MX2: variants seen among roughly 807,000 people sequenced by gnomAD.
MX2 encodes the protein interferon-induced GTP-binding protein Mx2.
A neutral mutation model predicts 74.0 loss-of-function variants in MX2; 51 were observed. That is an observed-to-expected ratio of 0.69 (90% confidence interval 0.55 to 0.87). The LOEUF (loss-of-function observed/expected upper bound fraction) is 0.87. Among genes scored for constraint, MX2 ranks in the 40% least tolerant of loss-of-function variants. The pLI, the probability that MX2 is intolerant of heterozygous loss-of-function variation, is 0.00. For synonymous variants in MX2, 369 were observed against 339.3 expected (o/e 1.09, Z -0.96); for missense variants, 832 against 908.7 (o/e 0.92, Z 1.09).
intron 12 of MX2, among the ~76,000 whole-genome samples, chr21:41,406,031 G>A (rs576429199): frequency 2.2e-4 from 32 of 148,650 alleles, no homozygotes; most frequent in African/African-American, 6.7e-4. Flanking sequence ...CGCTCTTGTC[G>A]TCCAGACTGG....
rs960013107 is a variant in MX2 at position 41,399,392 on chromosome 21, G to A, written c.1414+55G>A. On this transcript the variant is annotated intron_variant, in intron 10 of 13. Transcript: ENST00000330714. The stretch of plus-strand genomic sequence containing the variant: ...CAGGGTGGTATTTACCCAGACCAGA[G>A]GCTATGTCCAGCACATGATAAGTGT... 15 of 1,564,298 alleles carry A rather than the reference G, an allele frequency of 9.6e-6. No homozygotes were observed. The Admixed American group carries it at 1.2e-4, about 13-fold the overall frequency.
Position 41,407,475 on chromosome 21 carries a change from T to G in MX2, c.1905+477T>G, listed in dbSNP as rs2089901898. Among the ~76,000 whole-genome samples the G allele has an allele frequency of 2.6e-5, 4 of 152,210 alleles. No individual in the cohort carries two copies. The South Asian group carries it at 8.3e-4, about 32-fold the overall frequency. The stretch of plus-strand genomic sequence containing the variant: ...CAGTGAACTTTTTGGCCTCTGACTG[T>G]CTATCCAATATGCAAGTATCACTGT... On this transcript the variant is annotated intron_variant, in intron 13 of 13. Transcript: ENST00000330714.
At chr21:41,384,467 G>A (rs961024685) in intron 5 of MX2, among the ~76,000 whole-genome samples, 33 of 152,136 alleles carry the variant, frequency 2.2e-4, no homozygotes, top group African/African-American at 3.6e-4. Flanking sequence ...ATAAGTGTGC[G>A]GTCTCTCTAA....
Position 41,380,008 on chromosome 21 carries a change from C to T in MX2, c.443-9C>T. 6.2e-7 allele frequency: 1 copy of T among 1,613,686 alleles called. No homozygotes were observed. The highest frequency in any genetic ancestry group is 1.1e-5 in the South Asian group (1 of 91,052). Reference sequence around the variant, plus strand: ...GAAACTGAGGATATTTGGGGAACCTCTCGCTCAGGAATCGTAACCAGGTGT... The same window carrying T: ...GAAACTGAGGATATTTGGGGAACCTTTCGCTCAGGAATCGTAACCAGGTGT... On this transcript the variant is annotated splice_polypyrimidine_tract_variant and intron_variant, in intron 3 of 13. Coordinates refer to ENST00000330714, the MANE Select transcript of MX2 (RefSeq NM_002463.2). The surrounding 1 kb of genome is among the most constrained non-coding windows in gnomAD (Gnocchi z 4.3).
At chr21:41,407,946 T>G in intron 13 of MX2, 45 bp from the exon 14 acceptor site, 2 of 1,609,840 alleles carry the variant, frequency 1.2e-6, no homozygotes, top group Non-Finnish European at 1.7e-6. Context: ...CCACAGGCCT[T>G]GGGCTGAGAC....
intron 2 of MX2, 127 bp from the exon 3 acceptor site, chr21:41,377,662 C>T: frequency 1.0e-6 from 1 of 958,164 alleles, no homozygotes; most frequent in Non-Finnish European, 1.6e-6. Flanking sequence ...ACCCCTCCAT[C>T]CACCTTCTCA....
intron 12 of MX2, among the ~76,000 whole-genome samples, chr21:41,405,680 G>C (rs934676847): frequency 2.0e-5 from 3 of 149,810 alleles, no homozygotes; most frequent in Non-Finnish European, 4.4e-5. Context: ...CCCCTTCTCT[G>C]CTACATCACC....
intron 7 of MX2, among the ~76,000 whole-genome samples, chr21:41,396,614 T>G (rs1231709048): frequency 2.0e-5 from 3 of 152,174 alleles, no homozygotes. Flanking sequence ...AGATTGTGGT[T>G]AGGATTACGT....
intron 5 of MX2, among the ~76,000 whole-genome samples, chr21:41,386,219 C>CAAAAA (rs59005802): frequency 0.015 from 483 of 32,110 alleles, 5 homozygotes; most frequent in Non-Finnish European, 0.023. Flanking sequence ...TACTCCATCT[C>CAAAAA]AAAAAAAAAA....
chr21:41,407,004 T>A lies in MX2; in HGVS notation c.1905+6T>A, dbSNP rs774538626. 1.9e-6 allele frequency: 3 copies of A among 1,609,320 alleles called. No individual in the cohort carries two copies. The East Asian group carries it at 6.7e-5, about 36-fold the overall frequency. On this transcript the variant is annotated splice_donor_region_variant and intron_variant, in intron 13 of 13. Coordinates refer to ENST00000330714, the MANE Select transcript of MX2 (RefSeq NM_002463.2). ...ACCTGAATGCCTACTTCTTGGTGAG[T>A]TCCCGGCGGGGCAGGAGCCGTGCTC...
rs375638652 is a variant in MX2 at position 41,373,410 on chromosome 21, C to T, written c.-71-3426C>T. On this transcript the variant is annotated intron_variant, in intron 1 of 13. Coordinates refer to ENST00000330714, the MANE Select transcript of MX2 (RefSeq NM_002463.2). ...CTCTCTGTGCCTTGTTGGGAGTAGGCACTGGAGAGCAGGGGTGGGAGCGGT... is the reference window on the plus strand; with the variant it reads ...CTCTCTGTGCCTTGTTGGGAGTAGGTACTGGAGAGCAGGGGTGGGAGCGGT... Among the ~76,000 whole-genome samples, 10 of 152,282 alleles carry T rather than the reference C, an allele frequency of 6.6e-5. No homozygotes were observed. In the East Asian group the frequency reaches 1.9e-3, roughly 29 times the overall value.
At position 41,386,219 on chromosome 21, in the gene MX2, C is replaced by CAA. The variant is rs59005802; in HGVS notation, c.732+3684_732+3685dup. 1.4e-3 allele frequency among the ~76,000 whole-genome samples: 44 copies of CAA among 32,018 alleles called. 3 individuals carry two copies. The highest frequency in any genetic ancestry group is 3.4e-3 in the East Asian group (3 of 888). 21.0% of individuals were successfully genotyped at this position (32,018 alleles called of 152,430 possible). A position where few individuals can be genotyped will look rare whatever the true frequency, so the allele number is the denominator to read the frequency against. On this transcript the variant is annotated intron_variant, in intron 5 of 13. Transcript: ENST00000330714. ...TGGGCAACAGAGTAATACTCCATCT[C>CAA]AAAAAAAAAAAAAAAAAAAAAAAAA...
chr21:41,363,768 A>G lies in MX2; in HGVS notation c.-72+1713A>G, dbSNP rs925679923. ...GTGTGGGAGACGCAGCTTGCCTTAGACTTCAGCGGGAACCACCATGTCCGG... is the reference window on the plus strand; with the variant it reads ...GTGTGGGAGACGCAGCTTGCCTTAGGCTTCAGCGGGAACCACCATGTCCGG... On this transcript the variant is annotated intron_variant, in intron 1 of 13. Transcript: ENST00000330714. The surrounding 1 kb of genome is among the most constrained non-coding windows in gnomAD (Gnocchi z 4.2). 3.2e-5 allele frequency: 5 copies of G among 154,994 alleles called. No individual in the cohort carries two copies. Among genetic ancestry groups the G allele is most frequent in the African/African-American group, 1.2e-4 (5 of 41,484 alleles). 9.6% of individuals were successfully genotyped at this position (154,994 alleles called of 1,614,324 possible).
In MX2 at chr21:41,376,993, C is replaced by T; in HGVS notation, c.87C>T (p.Phe29=). 1 of 1,614,158 alleles carries T rather than the reference C, an allele frequency of 6.2e-7. No homozygotes were observed. The highest frequency in any genetic ancestry group is 8.5e-7 in the Non-Finnish European group (1 of 1,180,040). ...ACCTGAAAAAAGAAATGAATTCCTT[C>T]CAGCAACAGCCACCGCCATTCGGCA... The part of the protein sequence containing the change: ...RKYLKKEMNS[F]QQQPPPFGTV... The change falls in exon 2 of 14, where the codon TTC becomes TTT. Residue 29 remains phenylalanine, a synonymous_variant. Coordinates refer to ENST00000330714, the MANE Select transcript of MX2 (RefSeq NM_002463.2).
At chr21:41,398,853 A>G (rs757420013) in intron 8 of MX2, 44 bp from the exon 9 acceptor site, 23 of 1,592,276 alleles carry the variant, frequency 1.4e-5, no homozygotes, top group African/African-American at 5.4e-5. Context: ...CAGTTGGCCA[A>G]TCTCTTAAGC....
At chr21:41,407,191 T>A (rs1399184446) in intron 13 of MX2, among the ~76,000 whole-genome samples, 193 bp downstream of exon 13, 1 of 152,220 alleles carries the variant, frequency 6.6e-6, no homozygotes, top group Non-Finnish European at 1.5e-5. Context: ...TGAAGGCACT[T>A]TTAATTAATT....
chr21:41,366,104 A>C lies in MX2; in HGVS notation c.-72+4049A>C, dbSNP rs2089263612. ...CCGCCACCCAAAATAAATTCCTGGCAGTTCTATTTACTAATTAGGTAGGTC... is the reference window on the plus strand; with the variant it reads ...CCGCCACCCAAAATAAATTCCTGGCCGTTCTATTTACTAATTAGGTAGGTC... On this transcript the variant is annotated intron_variant, in intron 1 of 13. Transcript: ENST00000330714. This position sits in a 1 kb window ranked among gnomAD's most constrained non-coding sequence, Gnocchi z 4.5. 1 of 152,214 alleles carries C rather than the reference A, an allele frequency of 6.6e-6. No homozygotes were observed. The highest frequency in any genetic ancestry group is 2.4e-5 in the African/African-American group (1 of 41,446). The allele number at this position is 152,214 out of a possible 1,614,324, so 9.4% of individuals were successfully genotyped here.
At chr21:41,372,576 C>T (rs906678734) in intron 1 of MX2, among the ~76,000 whole-genome samples, 3 of 152,196 alleles carry the variant, frequency 2.0e-5, no homozygotes, top group African/African-American at 7.2e-5. Context: ...TGACTTCTGG[C>T]ATGGCTTCTC....
At chr21:41,397,239 G>A (rs897143547) in intron 7 of MX2, among the ~76,000 whole-genome samples, 1 of 152,202 alleles carries the variant, frequency 6.6e-6, no homozygotes, top group African/African-American at 2.4e-5. Context: ...GACTAAATGT[G>A]TTAATATTTA....
Sources: gnomAD v4.1 joint callset for allele counts (sites outside exome capture counted in the v4.1 genomes callset) on GRCh38, gnomAD v4.1.1 for gene constraint, Gnocchi (gnomAD v3.1) non-coding constraint, MANE v1.5 for transcripts, NCBI Gene and HGNC (gene_info 2026-07-23, HGNC 2026-07-21) for gene names.